Variants in ZNF248 observed in about 807,000 individuals in gnomAD.
ZNF248 encodes the protein KRAB protein domain.
In ZNF248, 20 loss-of-function variants were observed where a neutral mutation model predicts 44.3. The observed-to-expected ratio is 0.45, with a 90% confidence interval of 0.32 to 0.66. The LOEUF is 0.66. Among genes scored for constraint, ZNF248 ranks in the 30% least tolerant of loss-of-function variants. The pLI is 0.04. For missense variants in ZNF248, 654 were observed against 677.0 expected, an observed-to-expected ratio of 0.97 and a Z score of 0.38; for synonymous variants, 224 against 229.0, an observed-to-expected ratio of 0.98 and a Z score of 0.20.
In ZNF248 at chr10:37,823,116, A is replaced by G. The variant is rs915026063; in HGVS notation, c.330+9909T>C. ...TTTGGGAGGCCGAGGTGGGCCAATC[A>G]CGAGGTCAAGGGATCAAGACCATCC... On this transcript the variant is annotated intron_variant, in intron 6 of 6. Coordinates refer to the ZNF248 transcript ENST00000615949. Among the ~76,000 whole-genome samples, 3 of 152,014 alleles carry G rather than the reference A, an allele frequency of 2.0e-5. No homozygotes were observed. The East Asian group carries it at 5.8e-4, about 29-fold the overall frequency.
intron 6 of ZNF248, among the ~76,000 whole-genome samples, chr10:37,783,295 A>C (rs1230182732): frequency 6.6e-6 from 1 of 152,238 alleles, no homozygotes; most frequent in Non-Finnish European, 1.5e-5. Context: ...GTAACCATTA[A>C]GAGATAAACT....
chr10:37,855,783 T>C (rs1382187624), intron 3 of ZNF248, among the ~76,000 whole-genome samples: 3 of 152,244 alleles, frequency 2.0e-5, no homozygotes, highest in Non-Finnish European at 4.4e-5. Context: ...ATTCATCAGA[T>C]TGAAACATAA....
intron 6 of ZNF248, among the ~76,000 whole-genome samples, chr10:37,810,221 G>A (rs1467805833): frequency 6.6e-6 from 1 of 152,176 alleles, no homozygotes; most frequent in Non-Finnish European, 1.5e-5. Flanking sequence ...TAAGTCCTGT[G>A]TTTCCTTACC....
intron 6 of ZNF248, among the ~76,000 whole-genome samples, chr10:37,805,114 G>A (rs566719915): frequency 1.1e-4 from 16 of 152,224 alleles, no homozygotes; most frequent in East Asian, 1.9e-4. Flanking sequence ...CAAAGATGTC[G>A]GAGAGTGGTA....
In ZNF248 at chr10:37,838,193, G is replaced by A. The variant is rs999994616; in HGVS notation, c.16-82C>T. On this transcript the variant is annotated intron_variant, in intron 3 of 5. Coordinates refer to ENST00000395867, the MANE Select transcript of ZNF248 (RefSeq NM_021045.3). The stretch of plus-strand genomic sequence containing the variant: ...ATTTAAGAGAACTAATCTCTTTAGA[G>A]TTTACTAAAAAATGACAGGTTACCT... The A allele has an allele frequency of 8.1e-6, 11 of 1,355,796 alleles. No individual in the cohort carries two copies. The Admixed American group carries it at 1.1e-4, about 13-fold the overall frequency. 84.0% of individuals were successfully genotyped at this position (1,355,796 alleles called of 1,614,324 possible). A position where few individuals can be genotyped will look rare whatever the true frequency, so the allele number is the denominator to read the frequency against.
chr10:37,818,543 T>G (rs1254695104), intron 6 of ZNF248: 1 of 331,264 alleles, frequency 3.0e-6, no homozygotes, highest in Non-Finnish European at 5.8e-6. Flanking sequence ...CCAAACCTGC[T>G]GCTAAATGCT....
chr10:37,841,553 AACAG>A (rs1218342068), intron 3 of ZNF248, among the ~76,000 whole-genome samples: 1 of 152,212 alleles, frequency 6.6e-6, no homozygotes, highest in African/African-American at 2.4e-5. Flanking sequence ...AACACAAAAG[AACAG>A]ACAAATCTCC....
downstream of ZNF248, among the ~76,000 whole-genome samples, chr10:37,824,699 T>TTTTTTTTTTTG (rs2054081766): frequency 7.3e-6 from 1 of 137,170 alleles, no homozygotes; most frequent in Non-Finnish European, 1.6e-5. Flanking sequence ...TTTTTTTTTT[T>TTTTTTTTTTTG]GAGACGGAGT....
At chr10:37,850,602 A>G (rs1055591251) in intron 3 of ZNF248, among the ~76,000 whole-genome samples, 1 of 152,226 alleles carries the variant, frequency 6.6e-6, no homozygotes, top group Non-Finnish European at 1.5e-5. Context: ...AGACACATAC[A>G]CCAATGGAAC....
intron 6 of ZNF248, among the ~76,000 whole-genome samples, chr10:37,777,121 G>C (rs1225677455): frequency 6.6e-6 from 1 of 152,054 alleles, no homozygotes; most frequent in Non-Finnish European, 1.5e-5. Context: ...CTCTGATTGA[G>C]AGCTCTAAAC....
intron 6 of ZNF248, among the ~76,000 whole-genome samples, chr10:37,786,485 T>C (rs950798214): frequency 6.6e-6 from 1 of 151,968 alleles, no homozygotes; most frequent in South Asian, 2.1e-4. Flanking sequence ...CCAGTAAAAA[T>C]TAGAAAAACA....
the ZNF248 span, among the ~76,000 whole-genome samples, chr10:37,762,119 T>A: frequency 6.6e-6 from 1 of 152,190 alleles, no homozygotes; most frequent in Non-Finnish European, 1.5e-5. Context: ...TAGGGTGAAC[T>A]AATAATTCTA....
At chr10:37,808,278 CTTTTTTT>C (rs796239232) in intron 6 of ZNF248, among the ~76,000 whole-genome samples, 22 of 137,600 alleles carry the variant, frequency 1.6e-4, no homozygotes, top group African/African-American at 5.6e-4. Context: ...AACCTTTTTT[CTTTTTTT>C]TTTTTTTTCT....
chr10:37,811,127 T>C (rs902065603), intron 6 of ZNF248, among the ~76,000 whole-genome samples: 2 of 152,230 alleles, frequency 1.3e-5, no homozygotes, highest in Non-Finnish European at 2.9e-5. Context: ...AGAAAAGTCA[T>C]GATATTACAA....
At chr10:37,773,823 T>A (rs749706612), downstream of ZNF248, among the ~76,000 whole-genome samples, 3 of 152,254 alleles carry the variant, frequency 2.0e-5, no homozygotes, top group Admixed American at 1.3e-4. Context: ...CTATCTCCAA[T>A]ACAGTCACAT....
At chr10:37,781,034 A>C (rs1412570827) in intron 6 of ZNF248, among the ~76,000 whole-genome samples, 1 of 152,198 alleles carries the variant, frequency 6.6e-6, no homozygotes, top group East Asian at 1.9e-4. Context: ...ATGATGGTTA[A>C]TTCGACCCTT....
chr10:37,783,513 T>C (rs1450228701), intron 6 of ZNF248, among the ~76,000 whole-genome samples: 2 of 152,130 alleles, frequency 1.3e-5, no homozygotes, highest in African/African-American at 4.8e-5. Context: ...AAAAAATAAA[T>C]AAGATTTTGT....
downstream of ZNF248, among the ~76,000 whole-genome samples, chr10:37,826,818 A>G (rs1349516774): frequency 6.6e-6 from 1 of 152,174 alleles, no homozygotes; most frequent in Non-Finnish European, 1.5e-5. Flanking sequence ...ATATTCTAGC[A>G]TTTGATTAAT....
downstream of ZNF248, among the ~76,000 whole-genome samples, chr10:37,776,014 C>T (rs546277751): frequency 6.6e-6 from 1 of 152,272 alleles, no homozygotes; most frequent in South Asian, 2.1e-4. Flanking sequence ...TGCAATGATG[C>T]AGACACAGAC....
Sources: allele counts gnomAD v4.1 joint callset (sites outside exome capture counted in the v4.1 genomes callset), GRCh38; gene constraint gnomAD v4.1.1; transcripts MANE v1.5; gene names NCBI Gene and HGNC (gene_info 2026-07-23, HGNC 2026-07-21).